TMEM117: variants seen among roughly 807,000 people sequenced by gnomAD.
TMEM117 encodes transmembrane protein 117.
A neutral mutation model predicts 52.4 loss-of-function variants in TMEM117; 27 were observed. That is an observed-to-expected ratio of 0.51 (90% CI 0.38 to 0.71). The LOEUF is 0.71. TMEM117 is among the 30% of genes least tolerant of loss of function. The pLI, the probability that TMEM117 is intolerant of heterozygous loss-of-function variation, is 0.00. For missense variants in TMEM117, 556 were observed against 630.5 expected (o/e 0.88, Z 1.26); for synonymous variants, 215 against 206.3 (o/e 1.04, Z -0.36).
intron 3 of TMEM117, among the ~76,000 whole-genome samples, chr12:44,104,223 A>C (rs1173810407): frequency 1.3e-5 from 2 of 152,052 alleles, no homozygotes; most frequent in Non-Finnish European, 2.9e-5. Flanking sequence ...TTAGTATATT[A>C]ACTATAACAG....
In TMEM117 at chr12:44,006,889, C is replaced by T. The variant is rs1289580677; in HGVS notation, c.410+62547C>T. The stretch of plus-strand genomic sequence containing the variant: ...TATTCTATTGATGACAGACTTCTAT[C>T]ATTAGAAGCCTCATAATTTTGTATT... On this transcript the variant is annotated intron_variant, in intron 3 of 7. Coordinates refer to ENST00000266534, the MANE Select transcript of TMEM117 (RefSeq NM_032256.3). Among the ~76,000 whole-genome samples, 4 of 152,186 alleles carry T rather than the reference C, an allele frequency of 2.6e-5. No homozygotes were observed. In the South Asian group the frequency reaches 8.3e-4, roughly 31 times the overall value.
intron 5 of TMEM117, among the ~76,000 whole-genome samples, chr12:44,266,442 A>G (rs1742219009): frequency 6.6e-6 from 1 of 152,118 alleles, no homozygotes; most frequent in Non-Finnish European, 1.5e-5. Context: ...GTCTATTTAA[A>G]ATATTTACCC....
chr12:43,972,828 TTG>T (rs1315533984), intron 3 of TMEM117, among the ~76,000 whole-genome samples: 2 of 152,160 alleles, frequency 1.3e-5, no homozygotes, highest in East Asian at 3.9e-4. Context: ...TACAAACCTC[TTG>T]TAAGACAGAA....
chr12:44,097,063 C>G (rs1272063437), intron 3 of TMEM117, among the ~76,000 whole-genome samples: 1 of 152,194 alleles, frequency 6.6e-6, no homozygotes, highest in Non-Finnish European at 1.5e-5. Flanking sequence ...AGCATATGAA[C>G]AGACACTTCT....
chr12:44,236,187 T>G (rs841070), intron 5 of TMEM117, among the ~76,000 whole-genome samples: 54,140 of 141,156 alleles, frequency 0.38, 9,930 homozygotes, highest in African/African-American at 0.48. Context: ...TATATATATA[T>G]AGAGAGAGAG....
rs1485466779 is a variant in TMEM117, at chr12:44,152,554, T to A, written c.510+8930T>A. Among the ~76,000 whole-genome samples the A allele has an allele frequency of 2.0e-4, 24 of 120,830 alleles. No individual in the cohort carries two copies. In the East Asian group the frequency reaches 6.0e-3, roughly 30 times the overall value. The allele number at this position is 120,830 out of a possible 152,430, so 79.3% of individuals were successfully genotyped here. On this transcript the variant is annotated intron_variant, in intron 4 of 7. Transcript: ENST00000266534. ...TTTATATCATATAAATTTTTATATA[T>A]AATATTTATATCATATAAATTTATA...
chr12:44,100,235 C>T (rs940578693), intron 3 of TMEM117, among the ~76,000 whole-genome samples: 5 of 151,896 alleles, frequency 3.3e-5, no homozygotes, highest in Non-Finnish European at 7.4e-5. Flanking sequence ...ATGGGAATCA[C>T]TAGCATTCTG....
At chr12:44,173,272 T>TCTC (rs1219552479) in intron 4 of TMEM117, among the ~76,000 whole-genome samples, 1 of 152,184 alleles carries the variant, frequency 6.6e-6, no homozygotes, top group African/African-American at 2.4e-5. Flanking sequence ...AGACAAGGTT[T>TCTC]TATCATGTTT....
the TMEM117 span, chr12:43,798,436 A>G: frequency 1.3e-6 from 1 of 793,972 alleles, no homozygotes; most frequent in South Asian, 2.1e-5. Flanking sequence ...TAGCTAGTAG[A>G]GAGTCTCATT....
chr12:44,054,231 A>G (rs1458095965), intron 3 of TMEM117, among the ~76,000 whole-genome samples: 2 of 152,218 alleles, frequency 1.3e-5, no homozygotes, highest in African/African-American at 2.4e-5. Context: ...CTTACAATCT[A>G]TGTGCTTATA....
At chr12:43,942,327 T>A (rs1945056546) in intron 2 of TMEM117, among the ~76,000 whole-genome samples, 1 of 152,214 alleles carries the variant, frequency 6.6e-6, no homozygotes, top group Non-Finnish European at 1.5e-5. Context: ...ATTTGTAGCA[T>A]GTGGTTTTAC....
chr12:44,292,613 T>C (rs962610815), intron 5 of TMEM117, among the ~76,000 whole-genome samples: 1 of 152,034 alleles, frequency 6.6e-6, no homozygotes, highest in African/African-American at 2.4e-5. Context: ...ACTTCCCTCT[T>C]AGAACTGTAT....
At chr12:44,375,004 A>G (rs1427717808) in intron 6 of TMEM117, among the ~76,000 whole-genome samples, 8 of 152,094 alleles carry the variant, frequency 5.3e-5, no homozygotes, top group Non-Finnish European at 1.2e-4. Flanking sequence ...ACTAAATTCA[A>G]TGTCTATTAT....
chr12:43,839,687 C>T (rs1943087691), intron 1 of TMEM117, among the ~76,000 whole-genome samples: 1 of 152,200 alleles, frequency 6.6e-6, no homozygotes, highest in Non-Finnish European at 1.5e-5. Context: ...ATATCTGTTT[C>T]CCTCAAAGAA....
intron 4 of TMEM117, among the ~76,000 whole-genome samples, chr12:44,169,609 T>C (rs1468106261): frequency 6.6e-6 from 1 of 152,202 alleles, no homozygotes; most frequent in Non-Finnish European, 1.5e-5. Context: ...CCATCAAATA[T>C]AAGATTTACA....
chr12:44,186,593 A>C (rs750651836), intron 4 of TMEM117, among the ~76,000 whole-genome samples: 5 of 152,148 alleles, frequency 3.3e-5, no homozygotes, highest in Non-Finnish European at 5.9e-5. Context: ...CTATTTTTGC[A>C]AGGAGCATAT....
rs192893374 is a variant in TMEM117 at position 44,350,238 on chromosome 12, A to G, written c.769-26357A>G. Among the ~76,000 whole-genome samples the G allele has an allele frequency of 2.7e-3, 418 of 152,108 alleles. 1 individual carries two copies. The highest frequency in any genetic ancestry group is 4.9e-3 in the Non-Finnish European group (334 of 67,932). On this transcript the variant is annotated intron_variant, in intron 6 of 7. Transcript: ENST00000266534. ...GTATATATCTTTATCACAATCTAGC[A>G]GAGGAGAAAGACAAAAATCACCCAA... is the stretch of plus-strand genomic sequence containing the variant.
chr12:43,918,015 G>C lies in TMEM117; in HGVS notation c.278-26195G>C, dbSNP rs533824706. Among the ~76,000 whole-genome samples the C allele has an allele frequency of 5.3e-5, 8 of 152,234 alleles. No homozygotes were observed. The East Asian group carries it at 1.5e-3, about 29-fold the overall frequency. On this transcript the variant is annotated intron_variant, in intron 2 of 7. Transcript: ENST00000266534. ...TCCTAGGGCTATTATCTGGTAGATAGGGAAATCCTTCAGTTTCTATTTCTG... is the reference window on the plus strand; with the variant it reads ...TCCTAGGGCTATTATCTGGTAGATACGGAAATCCTTCAGTTTCTATTTCTG...
chr12:43,851,104 TCTTC>T (rs1213834096), intron 2 of TMEM117, among the ~76,000 whole-genome samples: 4 of 152,220 alleles, frequency 2.6e-5, no homozygotes, highest in African/African-American at 4.8e-5. Context: ...AACTTGTAAG[TCTTC>T]CTTCATTTAT....
Sources: gnomAD v4.1 joint callset for allele counts (sites outside exome capture counted in the v4.1 genomes callset) on GRCh38, gnomAD v4.1.1 for gene constraint, MANE v1.5 for transcripts, NCBI Gene and HGNC (gene_info 2026-07-23, HGNC 2026-07-21) for gene names.